The following C8orf90 variants were observed in gnomAD, a reference collection of about 807,000 sequenced individuals.
C8orf90 encodes uncharacterized protein C8orf90.
At chr8:141,518,042 C>T in the C8orf90 span, among the ~76,000 whole-genome samples, 2 of 152,206 alleles carry the variant, frequency 1.3e-5, no homozygotes, top group East Asian at 1.9e-4. Context: ...GGCCCGGCCT[C>T]GCCTCATCAC....
the C8orf90 span, chr8:141,518,427 C>T: frequency 3.0e-6 from 2 of 668,288 alleles, no homozygotes; most frequent in African/African-American, 1.9e-5. Context: ...CGCTCTTCTA[C>T]GACCCCCGCG....
chr8:141,516,745 C>T, the C8orf90 span, among the ~76,000 whole-genome samples: 3 of 152,234 alleles, frequency 2.0e-5, no homozygotes, highest in Admixed American at 6.5e-5. Context: ...CTTGTGTGAG[C>T]GGATCTTCTC....
the C8orf90 span, chr8:141,518,226 GC>G: frequency 1.2e-5 from 7 of 590,836 alleles, no homozygotes; most frequent in Admixed American, 9.2e-5. Flanking sequence ...GTCCCGCGGC[GC>G]CCCCGGAGCC....
chr8:141,518,624 C>T, the C8orf90 span: 1 of 509,796 alleles, frequency 2.0e-6, no homozygotes, highest in Non-Finnish European at 3.4e-6. Flanking sequence ...CCGCCGCCGC[C>T]TTCCCGGAGC....
chr8:141,518,577 G>A, the C8orf90 span: 1 of 421,372 alleles, frequency 2.4e-6, no homozygotes, highest in Non-Finnish European at 4.1e-6. Flanking sequence ...CCCGCGCGCG[G>A]GGCCCGGGCC....
At chr8:141,516,326 T>G in the C8orf90 span, among the ~76,000 whole-genome samples, 1 of 152,326 alleles carries the variant, frequency 6.6e-6, no homozygotes, top group Admixed American at 6.5e-5. Flanking sequence ...GTCATTTGTC[T>G]TTGCTGCCTC....
the C8orf90 span, chr8:141,518,433 C>G: frequency 1.5e-6 from 1 of 667,550 alleles, no homozygotes; most frequent in Non-Finnish European, 2.7e-6. Context: ...TCTACGACCC[C>G]CGCGACCGCG....
the C8orf90 span, among the ~76,000 whole-genome samples, chr8:141,515,194 C>T: frequency 1.5e-4 from 22 of 151,166 alleles, no homozygotes; most frequent in Admixed American, 4.6e-4. Context: ...ATCTATCCAC[C>T]CATCCACCCA....
the C8orf90 span, among the ~76,000 whole-genome samples, chr8:141,515,607 C>T: frequency 3.9e-5 from 6 of 151,982 alleles, no homozygotes; most frequent in African/African-American, 7.2e-5. Flanking sequence ...CTCCTGCCCT[C>T]GAGGGCCAGC....
chr8:141,517,917 C>G, the C8orf90 span, among the ~76,000 whole-genome samples: 6 of 152,214 alleles, frequency 3.9e-5, no homozygotes, highest in Admixed American at 2.0e-4. Context: ...AAGTCTGCAG[C>G]CTCCTCGCCA....
chr8:141,517,831 C>A, the C8orf90 span, among the ~76,000 whole-genome samples: 1 of 152,192 alleles, frequency 6.6e-6, no homozygotes, highest in Non-Finnish European at 1.5e-5. Context: ...CACCTCCTGC[C>A]CCAAGCTGGC....
the C8orf90 span, among the ~76,000 whole-genome samples, chr8:141,516,778 T>G: frequency 2.0e-5 from 3 of 152,144 alleles, no homozygotes; most frequent in African/African-American, 7.2e-5. Flanking sequence ...TCCACTCTTA[T>G]CCCCAGCATG....
At chr8:141,517,870 C>T in the C8orf90 span, among the ~76,000 whole-genome samples, 1 of 152,220 alleles carries the variant, frequency 6.6e-6, no homozygotes, top group African/African-American at 2.4e-5. Flanking sequence ...CCTCAACATC[C>T]TAAGCTCGCT....
the C8orf90 span, chr8:141,518,397 G>T: frequency 1.5e-6 from 1 of 674,284 alleles, no homozygotes; most frequent in Non-Finnish European, 2.7e-6. Flanking sequence ...GGCCGCCGGG[G>T]TCCGACCCCG....
chr8:141,517,895 T>C, the C8orf90 span, among the ~76,000 whole-genome samples: 5 of 152,158 alleles, frequency 3.3e-5, no homozygotes, highest in African/African-American at 1.2e-4. Context: ...CCCCACGTGG[T>C]CACGCTGGCC....
chr8:141,518,346 C>T, the C8orf90 span: 3 of 674,436 alleles, frequency 4.4e-6, no homozygotes, highest in African/African-American at 1.9e-5. Flanking sequence ...TCGCCATCCG[C>T]GTGCTCACCG....
At chr8:141,518,687 G>A in the C8orf90 span, 1 of 535,302 alleles carries the variant, frequency 1.9e-6, no homozygotes, top group South Asian at 2.4e-5. Context: ...AGGCCCCGCC[G>A]CTGCCCCGAG....
At chr8:141,516,616 C>T in the C8orf90 span, among the ~76,000 whole-genome samples, 8 of 152,128 alleles carry the variant, frequency 5.3e-5, no homozygotes, top group African/African-American at 1.4e-4. Context: ...TCTCTGCTTG[C>T]GCTTCTGCCC....
At chr8:141,516,143 T>G in the C8orf90 span, among the ~76,000 whole-genome samples, 1 of 152,128 alleles carries the variant, frequency 6.6e-6, no homozygotes, top group South Asian at 2.1e-4. Context: ...CAACTCACGC[T>G]GTCACTCCAG....
Sources: gnomAD v4.1 joint callset for allele counts (sites outside exome capture counted in the v4.1 genomes callset) on GRCh38, gnomAD v4.1.1 for gene constraint, MANE v1.5 for transcripts, NCBI Gene and HGNC (gene_info 2026-07-23, HGNC 2026-07-21) for gene names.